Variants in SH2D6 observed in about 807,000 individuals in gnomAD.
SH2D6 encodes SH2 domain-containing protein 6.
A neutral mutation model predicts 30.2 loss-of-function variants in SH2D6; 31 were observed. The ratio of observed to expected loss-of-function variants is 1.03; its 90% CI spans 0.77 to 1.38. SH2D6 has a LOEUF of 1.38. Ranked by LOEUF, SH2D6 falls within the 40% of genes most tolerant of loss-of-function variation. SH2D6 has a pLI of 0.00. For missense variants in SH2D6, 240 were observed against 266.8 expected, an observed-to-expected ratio of 0.90 and a Z score of 0.70; for synonymous variants, 93 against 104.6, an observed-to-expected ratio of 0.89 and a Z score of 0.68.
At chr2:85,434,949 C>T (rs1314959499) in intron 19 of SH2D6, 116 bp from the exon 20 acceptor site, 13 of 1,599,610 alleles carry the variant, frequency 8.1e-6, no homozygotes, top group East Asian at 2.2e-5. Context: ...GGTTTGGGCT[C>T]GGGGCCATGT....
intron 16 of SH2D6, 23 bp from the exon 17 acceptor site, chr2:85,434,010 C>T: frequency 6.5e-7 from 1 of 1,547,082 alleles, no homozygotes; most frequent in Admixed American, 2.0e-5. Flanking sequence ...CAGCCGAGCC[C>T]AGCCTGCCCC....
intron 2 of SH2D6, chr2:85,421,730 TCCACTGCTGAGGAAGGGTCAC>T (rs1237666547): frequency 6.6e-6 from 1 of 152,142 alleles, no homozygotes; most frequent in Non-Finnish European, 1.5e-5. Flanking sequence ...GTCTGGGACC[TCCACTGCTGAGGAAGGGTCAC>T]CTAAGCTGGG....
chr2:85,429,110 T>TG (rs2104900741), intron 7 of SH2D6, among the ~76,000 whole-genome samples: 1 of 152,356 alleles, frequency 6.6e-6, no homozygotes, highest in South Asian at 2.1e-4. Flanking sequence ...AAGGCCAGCA[T>TG]GCTGTTTTTA....
At position 85,435,397 on chromosome 2, in the gene SH2D6, CTG is replaced by C; in HGVS notation, c.649-10_649-9del. 2 of 1,612,014 alleles carry C rather than the reference CTG, an allele frequency of 1.2e-6. No individual in the cohort carries two copies. Among genetic ancestry groups the C allele is most frequent in the Non-Finnish European group, 1.7e-6 (2 of 1,179,140 alleles). Reference sequence around the variant, plus strand: ...AGTGCCCTGGCATGTTTCTGAGTGACTGTGTGTATGCACAGGACAGTGATCTG... The same window carrying C: ...AGTGCCCTGGCATGTTTCTGAGTGACTGTGTATGCACAGGACAGTGATCTG... On this transcript the variant is annotated splice_polypyrimidine_tract_variant and intron_variant, in intron 20 of 23. Coordinates refer to ENST00000469800, the MANE Select transcript of SH2D6 (RefSeq NM_001394463.1).
chr2:85,433,570 G>A lies in SH2D6; in HGVS notation c.394-1G>A. On this transcript the variant is annotated splice_acceptor_variant, in intron 15 of 23. Transcript: ENST00000469800. LOFTEE classifies it high-confidence loss of function. Reference sequence around the variant, plus strand: ...GTCTCACACACCCCTCCCTACCTTAGGTGCCAGGCCCTCCAAAGAAACCTG... The same window carrying A: ...GTCTCACACACCCCTCCCTACCTTAAGTGCCAGGCCCTCCAAAGAAACCTG... 1 of 997,174 alleles carries A rather than the reference G, an allele frequency of 1.0e-6. No individual in the cohort carries two copies. Among genetic ancestry groups the A allele is most frequent in the Non-Finnish European group, 1.2e-6 (1 of 837,078 alleles). 61.8% of individuals were successfully genotyped at this position (997,174 alleles called of 1,614,324 possible). A position where few individuals can be genotyped will look rare whatever the true frequency, so the allele number is the denominator to read the frequency against.
chr2:85,436,823 T>G lies in SH2D6; in HGVS notation c.*13-14T>G. ...TTGCCTCTCCAAGGCTGACACCCTC[T>G]TCCTGGCCTCCAGGAATGCAGGTGT... On this transcript the variant is annotated splice_polypyrimidine_tract_variant and intron_variant, in intron 23 of 23. Transcript: ENST00000469800. 2 of 478,458 alleles carry G rather than the reference T, an allele frequency of 4.2e-6. No homozygotes were observed. The highest frequency in any genetic ancestry group is 7.7e-6 in the Non-Finnish European group (2 of 260,414). 29.6% of individuals were successfully genotyped at this position (478,458 alleles called of 1,614,324 possible). A position where few individuals can be genotyped will look rare whatever the true frequency, so the allele number is the denominator to read the frequency against.
chr2:85,427,499 C>A (rs1688147668), intron 6 of SH2D6, among the ~76,000 whole-genome samples: 1 of 152,190 alleles, frequency 6.6e-6, no homozygotes, highest in Admixed American at 6.5e-5. Flanking sequence ...TTCACTCACC[C>A]AGGCCTTGGC....
Position 85,435,769 on chromosome 2 carries a change from G to A in SH2D6, c.836G>A (p.Arg279Gln), listed in dbSNP as rs140818438. ...RGRVFNIPIR[R>Q]LDGGRHYALG... ...CGGGTCTTCAACATTCCCATCCGGC[G>A]GCTGGATGGCGGACGCCACTATGCC... The change falls in exon 22 of 24, where the codon CGG becomes CAG. Residue 279 changes from arginine (R) to glutamine (Q), a missense_variant. Arg to Gln is a conservative substitution (Grantham distance 43, BLOSUM62 1). Transcript: ENST00000469800. The A allele has an allele frequency of 4.0e-4, 637 of 1,608,882 alleles. No homozygotes were observed. The highest frequency in any genetic ancestry group is 5.0e-4 in the Non-Finnish European group (594 of 1,177,768).
At chr2:85,423,047 C>T (rs933332946) in intron 5 of SH2D6, among the ~76,000 whole-genome samples, 2 of 152,104 alleles carry the variant, frequency 1.3e-5, no homozygotes, top group African/African-American at 4.8e-5. Context: ...GCCACCACGT[C>T]TGGCTAATTT....
chr2:85,436,595 G>C lies in SH2D6; in HGVS notation c.*12+1G>C, dbSNP rs976098213. 1.9e-6 allele frequency: 3 copies of C among 1,609,632 alleles called. No individual in the cohort carries two copies. The highest frequency in any genetic ancestry group is 2.6e-6 in the Non-Finnish European group (3 of 1,176,254). ...CACCAAGCCTTGAGGCCACAGCGAA[G>C]TACACACCGCCTTTGGCCCCAGTTT... is the stretch of plus-strand genomic sequence containing the variant. On this transcript the variant is annotated splice_donor_variant, in intron 23 of 23. Coordinates refer to ENST00000469800, the MANE Select transcript of SH2D6 (RefSeq NM_001394463.1). LOFTEE classifies it low-confidence loss of function (3UTR_SPLICE).
At chr2:85,435,945 G>T (rs1267286481) in intron 22 of SH2D6, 121 bp downstream of exon 22, 14 of 1,334,818 alleles carry the variant, frequency 1.0e-5, no homozygotes, top group Non-Finnish European at 1.4e-5. Context: ...GGGCAGAAAT[G>T]ACAGAGCCCA....
rs571895043 is a variant in SH2D6 at position 85,425,559 on chromosome 2, C to T, written c.-209+152C>T. Among the ~76,000 whole-genome samples, 7 of 152,222 alleles carry T rather than the reference C, an allele frequency of 4.6e-5. No individual in the cohort carries two copies. The South Asian group carries it at 8.3e-4, about 18-fold the overall frequency. ...TTGGGATTACAAGCGTGAGCCACCA[C>T]GCCCGGCCGGATTAAAGTTCTTAAC... On this transcript the variant is annotated intron_variant, in intron 6 of 23. Transcript: ENST00000469800.
rs760567986 is a variant in SH2D6 at position 85,435,631 on chromosome 2, G to A, written c.733-35G>A. On this transcript the variant is annotated intron_variant, in intron 21 of 23. Coordinates refer to ENST00000469800, the MANE Select transcript of SH2D6 (RefSeq NM_001394463.1). Reference sequence around the variant, plus strand: ...GGTCAGGGCAGTGGGAGGGCCATTGGAAGATGAGGTTGATGGCTGGGGTCT... The same window carrying A: ...GGTCAGGGCAGTGGGAGGGCCATTGAAAGATGAGGTTGATGGCTGGGGTCT... 4 of 1,581,038 alleles carry A rather than the reference G, an allele frequency of 2.5e-6. No individual in the cohort carries two copies. The East Asian group carries it at 6.7e-5, about 27-fold the overall frequency.
intron 2 of SH2D6, 131 bp downstream of exon 2, chr2:85,419,375 G>A (rs1687663319): frequency 6.6e-6 from 1 of 152,302 alleles, no homozygotes; most frequent in Non-Finnish European, 1.5e-5. Context: ...GGTTGCCCAA[G>A]GAGCTTCTGA....
intron 7 of SH2D6, among the ~76,000 whole-genome samples, chr2:85,428,909 G>A (rs1158201215): frequency 1.3e-5 from 2 of 152,302 alleles, no homozygotes; most frequent in East Asian, 1.9e-4. Flanking sequence ...GCCTGGAACA[G>A]CCTCTGGCAG....
At chr2:85,425,689 G>A (rs1687983954) in intron 6 of SH2D6, among the ~76,000 whole-genome samples, 1 of 152,302 alleles carries the variant, frequency 6.6e-6, no homozygotes, top group South Asian at 2.1e-4. Context: ...AGTTAGCCAG[G>A]AATAATGTCC....
chr2:85,436,661 C>T, intron 23 of SH2D6, 67 bp downstream of exon 23: 1 of 1,148,576 alleles, frequency 8.7e-7, no homozygotes, highest in Non-Finnish European at 1.3e-6. Flanking sequence ...TTCCTCTCTC[C>T]TTCCCCACCC....
intron 23 of SH2D6, 53 bp downstream of exon 23, chr2:85,436,647 T>A: frequency 7.6e-7 from 1 of 1,317,704 alleles, no homozygotes; most frequent in Non-Finnish European, 1.1e-6. Context: ...CACCTTGGGC[T>A]GTCTTCCTCT....
At chr2:85,434,617 T>TAAAA (rs532727235) in intron 19 of SH2D6, 120 bp downstream of exon 19, 304 of 995,912 alleles carry the variant, frequency 3.1e-4, no homozygotes, top group South Asian at 7.5e-4. Flanking sequence ...TGACTAGACT[T>TAAAA]AAAAAAAAAA....
Sources: allele counts gnomAD v4.1 joint callset (sites outside exome capture counted in the v4.1 genomes callset), GRCh38; gene constraint gnomAD v4.1.1; transcripts MANE v1.5; gene names NCBI Gene and HGNC (gene_info 2026-07-23, HGNC 2026-07-21).